The following EDAR variants were observed in gnomAD, a reference collection of about 807,000 sequenced individuals.
EDAR encodes the protein ectodysplasin A receptor.
Under a neutral mutation model 51.3 loss-of-function variants are expected in EDAR, and 38 were observed. The ratio of observed to expected loss-of-function variants is 0.74; its 90% CI spans 0.57 to 0.97. The LOEUF (loss-of-function observed/expected upper bound fraction) is 0.97, where lower values mean the gene tolerates loss of function less well. EDAR is among the 50% of genes least tolerant of loss of function. The probability of loss-of-function intolerance (pLI) is 0.00; values close to 1 mark genes in which losing one functional copy is unlikely to be tolerated. For synonymous variants in EDAR, 227 were observed against 242.1 expected, an observed-to-expected ratio of 0.94 and a Z score of 0.58; for missense variants, 528 against 595.0, an observed-to-expected ratio of 0.89 and a Z score of 1.17.
chr2:108,911,132 C>A (rs148157322), intron 6 of EDAR, 60 bp from the exon 7 acceptor site: 1 of 1,607,264 alleles, frequency 6.2e-7, no homozygotes, highest in African/African-American at 1.3e-5. Context: ...GGTCTTCCCT[C>A]CAGGACTCCG....
intron 1 of EDAR, among the ~76,000 whole-genome samples, chr2:108,964,296 C>T (rs1214945732): frequency 6.6e-6 from 1 of 152,118 alleles, no homozygotes; most frequent in East Asian, 1.9e-4. Context: ...GTGACCTGTG[C>T]TACAGCCAGA....
intron 1 of EDAR, among the ~76,000 whole-genome samples, chr2:108,956,896 C>A (rs12997345): frequency 6.6e-6 from 1 of 152,106 alleles, no homozygotes; most frequent in Non-Finnish European, 1.5e-5. Flanking sequence ...TCAAGCGGTT[C>A]TCCTGCCTCA....
intron 1 of EDAR, among the ~76,000 whole-genome samples, chr2:108,944,672 G>A (rs1697680439): frequency 1.3e-5 from 2 of 152,170 alleles, no homozygotes; most frequent in Non-Finnish European, 2.9e-5. Context: ...AGCAAAACAA[G>A]GAGAGGCCCT....
At chr2:108,980,841 G>T (rs1698407824) in intron 1 of EDAR, among the ~76,000 whole-genome samples, 1 of 152,110 alleles carries the variant, frequency 6.6e-6, no homozygotes, top group African/African-American at 2.4e-5. Flanking sequence ...ACTCCATGGG[G>T]GCTGGCAGAG....
At chr2:108,935,200 T>C (rs1697443638) in intron 1 of EDAR, among the ~76,000 whole-genome samples, 1 of 152,172 alleles carries the variant, frequency 6.6e-6, no homozygotes, top group African/African-American at 2.4e-5. Context: ...CCTTTGGCCC[T>C]TCCTTCCTCA....
At chr2:108,897,371 CAAAT>C in intron 11 of EDAR, 142 bp from the exon 12 acceptor site, 1 of 816,084 alleles carries the variant, frequency 1.2e-6, no homozygotes, top group Non-Finnish European at 1.9e-6. Context: ...CCACCTAAAA[CAAAT>C]GCATAACTTA....
chr2:108,958,482 C>T (rs1353679081), intron 1 of EDAR, among the ~76,000 whole-genome samples: 2 of 151,916 alleles, frequency 1.3e-5, no homozygotes, highest in East Asian at 3.9e-4. Flanking sequence ...GCAGAAGGCT[C>T]ACAAGGGTGC....
At chr2:108,951,577 T>A (rs891433881) in intron 1 of EDAR, among the ~76,000 whole-genome samples, 6 of 152,192 alleles carry the variant, frequency 3.9e-5, no homozygotes, top group Admixed American at 3.3e-4. Context: ...CAATCCTGTA[T>A]AGATATTGGC....
At position 108,896,873 on chromosome 2, in the gene EDAR, C is replaced by G; in HGVS notation, c.*34G>C. ...TCCAGAGCCCTCGTTGGCTCCTTGG[C>G]TTGTCCTGGGAGGACAGCCCACAGG... On this transcript the variant is annotated 3_prime_UTR_variant, in exon 12 of 12. Transcript: ENST00000258443. 6.3e-7 allele frequency: 1 copy of G among 1,594,390 alleles called. No homozygotes were observed. Among genetic ancestry groups the G allele is most frequent in the Admixed American group, 1.7e-5 (1 of 57,792 alleles).
At chr2:108,953,554 C>T (rs1034356424) in intron 1 of EDAR, among the ~76,000 whole-genome samples, 5 of 152,062 alleles carry the variant, frequency 3.3e-5, no homozygotes, top group African/African-American at 1.2e-4. Flanking sequence ...TTGTCCAATA[C>T]CTGATGACAG....
In EDAR at chr2:108,910,252, G is replaced by A. The variant is rs112723797; in HGVS notation, c.803+208C>T. Among the ~76,000 whole-genome samples the A allele has an allele frequency of 7.5e-3, 1,138 of 152,322 alleles. 21 individuals are homozygous for A. Among genetic ancestry groups the A allele is most frequent in the African/African-American group, 0.025 (1,027 of 41,562 alleles). On this transcript the variant is annotated intron_variant, in intron 9 of 11. Coordinates refer to ENST00000258443, the MANE Select transcript of EDAR (RefSeq NM_022336.4). ...GGATGCAGGGACAGGGGCCTGACCC[G>A]AGAGCAGCAGGCAGCTGTTTCCACA... is the stretch of plus-strand genomic sequence containing the variant.
At position 108,916,998 on chromosome 2, in the gene EDAR, C is replaced by A. The variant is rs1375459858; in HGVS notation, c.443-4234G>T. ...CAAAGGGCAGCAGCTCACTTCCTGACAATGGGCCTCTTCCCTGCGCTCGGA... is the reference window on the plus strand; with the variant it reads ...CAAAGGGCAGCAGCTCACTTCCTGAAAATGGGCCTCTTCCCTGCGCTCGGA... On this transcript the variant is annotated intron_variant, in intron 5 of 11. Coordinates refer to ENST00000258443, the MANE Select transcript of EDAR (RefSeq NM_022336.4). Among the ~76,000 whole-genome samples, 5 of 152,254 alleles carry A rather than the reference C, an allele frequency of 3.3e-5. No individual in the cohort carries two copies. In the East Asian group the frequency reaches 9.6e-4, roughly 29 times the overall value.
intron 1 of EDAR, among the ~76,000 whole-genome samples, chr2:108,949,621 T>A (rs1263545434): frequency 6.6e-6 from 1 of 152,334 alleles, no homozygotes; most frequent in Admixed American, 6.5e-5. Flanking sequence ...GATTTCTCCC[T>A]CTTGCTCATA....
intron 11 of EDAR, among the ~76,000 whole-genome samples, chr2:108,902,654 G>A (rs1464941182): frequency 6.6e-6 from 1 of 152,056 alleles, no homozygotes; most frequent in East Asian, 1.9e-4. Context: ...TTAGCAAATA[G>A]AATGCAACCA....
intron 4 of EDAR, among the ~76,000 whole-genome samples, chr2:108,923,987 G>A (rs921244261): frequency 6.6e-6 from 1 of 152,252 alleles, no homozygotes; most frequent in Non-Finnish European, 1.5e-5. Context: ...AGACGGTTGT[G>A]CTGTCCAGAG....
intron 4 of EDAR, among the ~76,000 whole-genome samples, chr2:108,925,862 T>C (rs1439549832): frequency 2.0e-5 from 3 of 152,148 alleles, no homozygotes; most frequent in Non-Finnish European, 4.4e-5. Flanking sequence ...GTGATCCACC[T>C]GCCTTGGCAT....
chr2:108,923,560 C>T (rs999262153), intron 4 of EDAR, 107 bp from the exon 5 acceptor site: 38 of 1,002,824 alleles, frequency 3.8e-5, no homozygotes, highest in Non-Finnish European at 5.2e-5. Flanking sequence ...ACAATCAAGT[C>T]GGGCATGAGG....
At chr2:108,974,511 C>A (rs1698289408) in intron 1 of EDAR, among the ~76,000 whole-genome samples, 1 of 151,746 alleles carries the variant, frequency 6.6e-6, no homozygotes, top group South Asian at 2.1e-4. Flanking sequence ...GGGGGTGGAT[C>A]ACCAGGTCAG....
intron 1 of EDAR, among the ~76,000 whole-genome samples, chr2:108,987,268 C>G (rs1412778565): frequency 6.6e-6 from 1 of 152,210 alleles, no homozygotes; most frequent in Non-Finnish European, 1.5e-5. Flanking sequence ...GTCAGGTAAC[C>G]CAGCTTCCAT....
Sources: gnomAD v4.1 joint callset for allele counts (sites outside exome capture counted in the v4.1 genomes callset) on GRCh38, gnomAD v4.1.1 for gene constraint, MANE v1.5 for transcripts, NCBI Gene and HGNC (gene_info 2026-07-23, HGNC 2026-07-21) for gene names.